CDH10: variants seen among roughly 807,000 people sequenced by gnomAD.
CDH10 encodes the protein cadherin-10.
In CDH10, 30 loss-of-function variants were observed where a neutral mutation model predicts 73.1. That is an observed-to-expected ratio of 0.41 (90% CI 0.31 to 0.56). The LOEUF (loss-of-function observed/expected upper bound fraction) is 0.56, where lower values mean the gene tolerates loss of function less well. Ranked by LOEUF, CDH10 falls within the 20% of genes least tolerant of loss-of-function variation. CDH10 has a pLI of 0.27. For missense variants in CDH10, 815 were observed against 973.7 expected (o/e 0.84, Z 2.17); for synonymous variants, 345 against 348.2 (o/e 0.99, Z 0.10).
In CDH10 at chr5:24,534,427, CAT is replaced by C. The variant is rs201352273; in HGVS notation, c.814+683_814+684del. On this transcript the variant is annotated intron_variant, in intron 5 of 11. Transcript: ENST00000264463. ...CCATCCTCTTTAGTATGCGAGCAGACATGTAATCTACCAAATTTGTACAAGAA... is the reference window on the plus strand; with the variant it reads ...CCATCCTCTTTAGTATGCGAGCAGACGTAATCTACCAAATTTGTACAAGAA... 3.6e-3 allele frequency among the ~76,000 whole-genome samples: 546 copies of C among 152,068 alleles called. 3 individuals carry two copies. Among genetic ancestry groups the C allele is most frequent in the African/African-American group, 0.012 (512 of 41,500 alleles).
At chr5:24,644,204 G>C (rs964722393) in intron 1 of CDH10, among the ~76,000 whole-genome samples, 12 of 152,132 alleles carry the variant, frequency 7.9e-5, no homozygotes, top group African/African-American at 2.9e-4. Context: ...GATGATGTTA[G>C]AGTTCACAGT....
intron 2 of CDH10, among the ~76,000 whole-genome samples, chr5:24,540,985 A>C (rs925077482): frequency 2.0e-5 from 3 of 151,950 alleles, no homozygotes; most frequent in African/African-American, 7.2e-5. Context: ...TGGTAGGGTG[A>C]TACAACTAAA....
At chr5:24,533,058 A>G (rs999224552) in intron 5 of CDH10, among the ~76,000 whole-genome samples, 1 of 152,140 alleles carries the variant, frequency 6.6e-6, no homozygotes, top group African/African-American at 2.4e-5. Context: ...AACAAAAAAG[A>G]TAACTTAGAA....
chr5:24,592,980 G>T (rs1237785111), intron 2 of CDH10, among the ~76,000 whole-genome samples: 1 of 151,142 alleles, frequency 6.6e-6, no homozygotes, highest in Non-Finnish European at 1.5e-5. Context: ...CACTATCATT[G>T]CTTTCTAACC....
chr5:24,594,698 G>C (rs1023536661), intron 1 of CDH10, among the ~76,000 whole-genome samples: 4 of 151,794 alleles, frequency 2.6e-5, no homozygotes, highest in African/African-American at 9.7e-5. Context: ...TTTTCCTGTA[G>C]ATGTTCACTT....
intron 2 of CDH10, among the ~76,000 whole-genome samples, chr5:24,551,383 T>C (rs1051564462): frequency 6.6e-6 from 1 of 152,222 alleles, no homozygotes; most frequent in Admixed American, 6.5e-5. Context: ...GGTAATATAT[T>C]ACTACAAATA....
chr5:24,563,732 G>A (rs183938937), intron 2 of CDH10, among the ~76,000 whole-genome samples: 2,585 of 144,852 alleles, frequency 0.018, 90 homozygotes, highest in African/African-American at 0.062. Flanking sequence ...ATCCTGCACT[G>A]CACTCCAGCC....
chr5:24,539,450 A>G (rs1744075966), intron 2 of CDH10, among the ~76,000 whole-genome samples: 1 of 151,976 alleles, frequency 6.6e-6, no homozygotes, highest in Non-Finnish European at 1.5e-5. Flanking sequence ...TCTTTAATGC[A>G]TGCTATTACT....
At chr5:24,641,618 T>A (rs998468079) in intron 1 of CDH10, among the ~76,000 whole-genome samples, 1 of 152,132 alleles carries the variant, frequency 6.6e-6, no homozygotes, top group Non-Finnish European at 1.5e-5. Flanking sequence ...TATGCATCTA[T>A]AGTGTCATTC....
chr5:24,619,704 C>T (rs1353408917), intron 1 of CDH10, among the ~76,000 whole-genome samples: 1 of 152,062 alleles, frequency 6.6e-6, no homozygotes, highest in Non-Finnish European at 1.5e-5. Context: ...TGTTGGAATC[C>T]TAACCCCCAA....
chr5:24,624,733 T>C (rs749450759), intron 1 of CDH10, among the ~76,000 whole-genome samples: 4 of 152,144 alleles, frequency 2.6e-5, no homozygotes, highest in African/African-American at 4.8e-5. Flanking sequence ...GAAGGTCCCT[T>C]GATTGGTGAA....
At chr5:24,519,991 CCT>C (rs1256119245) in intron 5 of CDH10, among the ~76,000 whole-genome samples, 1 of 152,132 alleles carries the variant, frequency 6.6e-6, no homozygotes, top group African/African-American at 2.4e-5. Flanking sequence ...CCATCTCCTC[CCT>C]GTGTGTTCAC....
At chr5:24,551,285 T>C (rs893060535) in intron 2 of CDH10, among the ~76,000 whole-genome samples, 2 of 152,226 alleles carry the variant, frequency 1.3e-5, no homozygotes, top group Non-Finnish European at 2.9e-5. Context: ...AGTATGTTTA[T>C]ATTTTATTAT....
rs188924480 is a variant in CDH10 at position 24,525,755 on chromosome 5, G to A, written c.814+9357C>T. Among the ~76,000 whole-genome samples the A allele has an allele frequency of 1.3e-4, 20 of 152,088 alleles. No individual in the cohort carries two copies. The East Asian group carries it at 3.9e-3, about 29-fold the overall frequency. On this transcript the variant is annotated intron_variant, in intron 5 of 11. Transcript: ENST00000264463. ...GAGATACGATCATCAACTCAGCTTT[G>A]GGCATTTAAGTTAAATTAGAGCAAA...
rs1742055773 is a variant in CDH10 at position 24,491,598 on chromosome 5, G to A, written c.1854C>T (p.Leu618=). 3.1e-6 allele frequency: 5 copies of A among 1,613,586 alleles called. No homozygotes were observed. Among genetic ancestry groups the A allele is most frequent in the Non-Finnish European group, 4.2e-6 (5 of 1,179,694 alleles). ...TACCCAGTAGAATGATGATGCAGAG[G>A]AGGATGGCGATCAAGGCCCCAGTGC... The part of the protein sequence containing the change: ...GLSTGALIAI[L]LCIIILLVIV... Residue 618 remains leucine (L), a synonymous_variant, in exon 11 of 12, where the codon CTC becomes CTT. Transcript: ENST00000264463.
At chr5:24,612,235 C>A (rs1331156191) in intron 1 of CDH10, 1 of 152,116 alleles carries the variant, frequency 6.6e-6, no homozygotes, top group East Asian at 1.9e-4. Context: ...CAAAAGGTAT[C>A]AGTTGCTTAT....
chr5:24,603,552 T>G (rs12653077), intron 1 of CDH10, among the ~76,000 whole-genome samples: 27,822 of 152,054 alleles, frequency 0.18, 2,752 homozygotes, highest in East Asian at 0.28. Flanking sequence ...AACTGTCATA[T>G]CAACAGATTT....
chr5:24,592,286 ATTATAG>A lies in CDH10; in HGVS notation c.231+968_231+973del, dbSNP rs1434585640. Among the ~76,000 whole-genome samples, 23 of 151,872 alleles carry A rather than the reference ATTATAG, an allele frequency of 1.5e-4. No individual in the cohort carries two copies. The East Asian group carries it at 4.1e-3, about 27-fold the overall frequency. ...CAATTTTAATTATTTGAATGAAGAT[ATTATAG>A]TTAAGGTTAATGCAAGAATTGTCAA... On this transcript the variant is annotated intron_variant, in intron 2 of 11. Transcript: ENST00000264463.
At chr5:24,521,145 C>T (rs1231357576) in intron 5 of CDH10, among the ~76,000 whole-genome samples, 1 of 152,090 alleles carries the variant, frequency 6.6e-6, no homozygotes, top group Non-Finnish European at 1.5e-5. Context: ...TCAAACACCC[C>T]CAAAACAAAA....
Sources: allele counts gnomAD v4.1 joint callset (sites outside exome capture counted in the v4.1 genomes callset), GRCh38; gene constraint gnomAD v4.1.1; transcripts MANE v1.5; gene names NCBI Gene and HGNC (gene_info 2026-07-23, HGNC 2026-07-21).